Variants in DNAH3 observed in about 807,000 individuals in gnomAD.
The protein encoded by DNAH3 is axonemal beta dynein heavy chain 3.
Under a neutral mutation model 432.5 loss-of-function variants are expected in DNAH3, and 332 were observed. The observed-to-expected ratio is 0.77, with a 90% CI of 0.70 to 0.84. DNAH3 has a LOEUF of 0.84. Ranked by LOEUF, DNAH3 falls within the 40% of genes least tolerant of loss-of-function variation. DNAH3 has a pLI of 0.00. For missense variants in DNAH3, 4,861 were observed against 5,114.0 expected (o/e 0.95, Z 1.51); for synonymous variants, 1,956 against 1,900.2 (o/e 1.03, Z -0.76).
intron 58 of DNAH3, among the ~76,000 whole-genome samples, chr16:20,941,878 C>T (rs990281356): frequency 1.3e-5 from 2 of 151,976 alleles, no homozygotes. Flanking sequence ...GGAAACATAG[C>T]GAAACCCAGT....
At chr16:21,077,390 T>C (rs1301702133) in intron 20 of DNAH3, among the ~76,000 whole-genome samples, 1 of 152,168 alleles carries the variant, frequency 6.6e-6, no homozygotes, top group Admixed American at 6.5e-5. Flanking sequence ...CTTGAACTCC[T>C]GACCACAAGT....
chr16:21,052,566 T>C (rs2089996456), intron 28 of DNAH3, among the ~76,000 whole-genome samples: 1 of 152,188 alleles, frequency 6.6e-6, no homozygotes, highest in African/African-American at 2.4e-5. Context: ...AAAATAGGGA[T>C]AACATAGTAC....
At chr16:21,043,448 T>C (rs330146) in intron 31 of DNAH3, among the ~76,000 whole-genome samples, 12,109 of 119,278 alleles carry the variant, frequency 0.1, 725 homozygotes, top group African/African-American at 0.16. Flanking sequence ...TTTCATGTGT[T>C]TTTTGGCTGC....
chr16:20,974,047 G>A (rs532512720), intron 51 of DNAH3, among the ~76,000 whole-genome samples: 2 of 151,990 alleles, frequency 1.3e-5, no homozygotes. Flanking sequence ...TTTGAGACTG[G>A]GTCTTGCTCT....
intron 41 of DNAH3, among the ~76,000 whole-genome samples, chr16:21,008,193 T>C (rs903002050): frequency 3.9e-5 from 6 of 152,172 alleles, no homozygotes; most frequent in African/African-American, 1.4e-4. Context: ...ATTCTCTCTC[T>C]CTCTCCTCTG....
chr16:21,026,568 G>A (rs561785146), intron 38 of DNAH3, among the ~76,000 whole-genome samples: 20 of 151,994 alleles, frequency 1.3e-4, no homozygotes, highest in African/African-American at 4.8e-4. Context: ...GAGGGTGGTG[G>A]CGTGTGCTTG....
exon 53 of DNAH3, chr16:20,964,037 T>C: frequency 6.2e-7 from 1 of 1,614,166 alleles, no homozygotes; most frequent in Middle Eastern, 1.6e-4. Context: ...TGCGTTTCTG[T>C]CATGGAAGCA....
intron 1 of DNAH3, chr16:21,158,528 G>A (rs188438206): frequency 6.6e-6 from 1 of 152,412 alleles, no homozygotes; most frequent in Non-Finnish European, 1.5e-5. Flanking sequence ...GCAAAGCCTT[G>A]GGCGCCGGGC....
intron 32 of DNAH3, among the ~76,000 whole-genome samples, chr16:21,040,211 G>A (rs1398221961): frequency 6.6e-6 from 1 of 151,938 alleles, no homozygotes; most frequent in East Asian, 1.9e-4. Context: ...GGCCCTAGGT[G>A]CTGGTACACC....
chr16:20,943,840 T>C (rs867244811), intron 58 of DNAH3, among the ~76,000 whole-genome samples: 1 of 151,970 alleles, frequency 6.6e-6, no homozygotes, highest in South Asian at 2.1e-4. Context: ...AAAATTTAGC[T>C]GGGCATGGTG....
intron 48 of DNAH3, among the ~76,000 whole-genome samples, chr16:20,983,310 G>C (rs889660648): frequency 1.3e-5 from 2 of 151,976 alleles, no homozygotes; most frequent in African/African-American, 4.8e-5. Context: ...ATTTTTAGTA[G>C]AGACGGGGTT....
intron 57 of DNAH3, among the ~76,000 whole-genome samples, chr16:20,946,174 A>G (rs2084037587): frequency 6.6e-6 from 1 of 152,036 alleles, no homozygotes; most frequent in Non-Finnish European, 1.5e-5. Flanking sequence ...GATAAGAAAC[A>G]TTTACAATCT....
At chr16:21,061,083 C>G (rs858208) in intron 25 of DNAH3, among the ~76,000 whole-genome samples, 33,779 of 151,538 alleles carry the variant, frequency 0.22, 3,973 homozygotes, top group East Asian at 0.46. Context: ...AAGAGATCCT[C>G]CTGCCTCAGC....
At chr16:20,971,503 G>A (rs762079618) in intron 51 of DNAH3, among the ~76,000 whole-genome samples, 2 of 152,236 alleles carry the variant, frequency 1.3e-5, no homozygotes, top group East Asian at 1.9e-4. Context: ...ATCAGACACC[G>A]GTTTCTCCTC....
intron 16 of DNAH3, among the ~76,000 whole-genome samples, chr16:21,103,711 G>GC (rs1212757412): frequency 3.3e-5 from 5 of 152,124 alleles, no homozygotes; most frequent in African/African-American, 1.2e-4. Flanking sequence ...GTAAGTATTT[G>GC]CAGGAACTAT....
At chr16:20,998,685 C>T (rs747916662) in intron 43 of DNAH3, among the ~76,000 whole-genome samples, 8 of 142,454 alleles carry the variant, frequency 5.6e-5, no homozygotes, top group Admixed American at 1.5e-4. Flanking sequence ...GAAATGGGGG[C>T]TCTTCGAGAT....
exon 1 of DNAH3, chr16:21,159,328 C>T (rs747937778): frequency 2.2e-5 from 36 of 1,613,844 alleles, no homozygotes; most frequent in Non-Finnish European, 3.1e-5. Context: ...TCTCCACCTG[C>T]ATTTCACTCC....
At chr16:21,036,371 G>A (rs1428184143) in intron 35 of DNAH3, among the ~76,000 whole-genome samples, 2 of 152,072 alleles carry the variant, frequency 1.3e-5, no homozygotes, top group Non-Finnish European at 2.9e-5. Flanking sequence ...GATGGAGTAA[G>A]TAAGTGGGTT....
Position 20,935,344 on chromosome 16 carries a change from CT to C in DNAH3, c.11997+3del. 1 of 1,613,986 alleles carries C rather than the reference CT, an allele frequency of 6.2e-7. No homozygotes were observed. ...TGAGTGAGCCTAACCCAAAGCACCC[CT>C]ACCTCAAACTCAAATCCAATGTGGT... is the stretch of plus-strand genomic sequence containing the variant. On this transcript the variant is annotated splice_donor_region_variant and intron_variant, in intron 61 of 61. Coordinates refer to ENST00000261383, the Ensembl canonical transcript of DNAH3.
Sources: gnomAD v4.1 joint callset for allele counts (sites outside exome capture counted in the v4.1 genomes callset) on GRCh38, gnomAD v4.1.1 for gene constraint, MANE v1.5 for transcripts, NCBI Gene and HGNC (gene_info 2026-07-23, HGNC 2026-07-21) for gene names.